Variants in PLPP4 observed in about 807,000 individuals in gnomAD.
PLPP4 encodes diacylglycerol pyrophosphate like 2.
In PLPP4, 20 loss-of-function variants were observed where a neutral mutation model predicts 32.2. That is an observed-to-expected ratio of 0.62 (90% CI 0.44 to 0.90). The LOEUF (loss-of-function observed/expected upper bound fraction) is 0.90. Among genes scored for constraint, PLPP4 ranks in the 40% least tolerant of loss-of-function variants. The pLI, the probability that PLPP4 is intolerant of heterozygous loss-of-function variation, is 0.00. For missense variants in PLPP4, 257 were observed against 353.1 expected (o/e 0.73, Z 2.18); for synonymous variants, 127 against 133.0 (o/e 0.95, Z 0.31).
intron 5 of PLPP4, among the ~76,000 whole-genome samples, chr10:120,527,689 G>A (rs571015887): frequency 6.6e-6 from 1 of 152,252 alleles, no homozygotes; most frequent in African/African-American, 2.4e-5. Flanking sequence ...TTTTTAGAGA[G>A]TTCTTGCTTT....
At chr10:120,553,772 A>G (rs1848020156) in intron 5 of PLPP4, among the ~76,000 whole-genome samples, 2 of 152,192 alleles carry the variant, frequency 1.3e-5, no homozygotes, top group Non-Finnish European at 2.9e-5. Flanking sequence ...ACTTTAAGCC[A>G]TGGCTGGAGC....
chr10:120,551,223 G>A (rs1001797929), intron 5 of PLPP4, among the ~76,000 whole-genome samples: 11 of 152,146 alleles, frequency 7.2e-5, no homozygotes, highest in Non-Finnish European at 1.6e-4. Flanking sequence ...AAAAAGATCA[G>A]CAATGCCAAA....
At chr10:120,533,751 AG>A (rs112377561) in intron 5 of PLPP4, among the ~76,000 whole-genome samples, 1 of 152,098 alleles carries the variant, frequency 6.6e-6, no homozygotes, top group Admixed American at 6.5e-5. Context: ...TGAGGGAAAA[AG>A]GGAGAGCAAA....
chr10:120,529,130 C>A (rs1846574784), intron 5 of PLPP4, among the ~76,000 whole-genome samples: 2 of 152,092 alleles, frequency 1.3e-5, no homozygotes, highest in Non-Finnish European at 2.9e-5. Flanking sequence ...CAGTTTTGCA[C>A]CCCCCAGGGG....
chr10:120,517,026 T>A (rs1564809662), intron 3 of PLPP4, among the ~76,000 whole-genome samples: 1 of 152,214 alleles, frequency 6.6e-6, no homozygotes, highest in Non-Finnish European at 1.5e-5. Context: ...TATCCATACA[T>A]TTTCCAGCTC....
intron 1 of PLPP4, among the ~76,000 whole-genome samples, chr10:120,466,474 C>A (rs1214261127): frequency 6.6e-6 from 1 of 152,044 alleles, no homozygotes; most frequent in East Asian, 1.9e-4. Context: ...ACGTATTCAA[C>A]AAAAAAAGTC....
At chr10:120,466,366 A>G (rs1027824341) in intron 1 of PLPP4, among the ~76,000 whole-genome samples, 13 of 152,216 alleles carry the variant, frequency 8.5e-5, no homozygotes, top group Non-Finnish European at 1.6e-4. Flanking sequence ...AAAGTGATAA[A>G]TATCCCATAT....
At chr10:120,584,126 T>G (rs1222741359) in intron 6 of PLPP4, among the ~76,000 whole-genome samples, 1 of 152,166 alleles carries the variant, frequency 6.6e-6, no homozygotes, top group Non-Finnish European at 1.5e-5. Flanking sequence ...CATCAGCACC[T>G]TCTCACATAC....
chr10:120,581,442 C>T (rs955729539), intron 6 of PLPP4: 4 of 324,322 alleles, frequency 1.2e-5, no homozygotes, highest in South Asian at 1.2e-4. Context: ...TTAGAGCCTG[C>T]GTTAGCACAT....
intron 1 of PLPP4, among the ~76,000 whole-genome samples, chr10:120,459,417 C>T (rs912666652): frequency 7.2e-5 from 11 of 152,132 alleles, no homozygotes; most frequent in African/African-American, 2.4e-4. Context: ...AGGCATGTAC[C>T]GACTTCTGGG....
intron 1 of PLPP4, 128 bp downstream of exon 1, chr10:120,457,489 C>A: frequency 1.4e-6 from 1 of 719,702 alleles, no homozygotes; most frequent in Non-Finnish European, 2.2e-6. Flanking sequence ...CCCTTCCCCG[C>A]CAAGTGCCCG....
chr10:120,585,597 T>C (rs1226654884), intron 6 of PLPP4, among the ~76,000 whole-genome samples: 1 of 152,200 alleles, frequency 6.6e-6, no homozygotes. Context: ...TAAATTATCA[T>C]CACAACTTAA....
intron 6 of PLPP4, among the ~76,000 whole-genome samples, chr10:120,577,097 A>G (rs780471326): frequency 1.3e-5 from 2 of 152,252 alleles, no homozygotes; most frequent in Non-Finnish European, 2.9e-5. Context: ...TTTACTACAC[A>G]CATGCAAAGT....
intron 1 of PLPP4, among the ~76,000 whole-genome samples, chr10:120,479,021 TC>T (rs1229429185): frequency 2.0e-5 from 3 of 152,268 alleles, no homozygotes; most frequent in Admixed American, 6.5e-5. Context: ...GGTCAGGAGA[TC>T]GAGACCATCC....
intron 1 of PLPP4, among the ~76,000 whole-genome samples, chr10:120,460,526 G>T (rs763199962): frequency 6.6e-6 from 1 of 152,162 alleles, no homozygotes; most frequent in African/African-American, 2.4e-5. Flanking sequence ...CTTACTGTGT[G>T]TCAGGCACCA....
At chr10:120,509,494 C>T (rs1050920571) in intron 2 of PLPP4, among the ~76,000 whole-genome samples, 3 of 152,084 alleles carry the variant, frequency 2.0e-5, no homozygotes, top group African/African-American at 7.2e-5. Flanking sequence ...CTGTGCAGTA[C>T]AATTAGTAAC....
intron 5 of PLPP4, among the ~76,000 whole-genome samples, chr10:120,530,001 C>T (rs556420338): frequency 1.2e-4 from 18 of 152,130 alleles, no homozygotes; most frequent in Non-Finnish European, 1.9e-4. Context: ...TTTTATTATA[C>T]AACATTTCAG....
chr10:120,500,622 A>G (rs1363240167), intron 1 of PLPP4, among the ~76,000 whole-genome samples: 3 of 131,392 alleles, frequency 2.3e-5, no homozygotes, highest in Non-Finnish European at 3.1e-5. Context: ...GCCAGTAGCT[A>G]TGAATAATTC....
chr10:120,469,670 A>T (rs1848433739), intron 1 of PLPP4, among the ~76,000 whole-genome samples: 1 of 152,242 alleles, frequency 6.6e-6, no homozygotes, highest in Admixed American at 6.5e-5. Context: ...CAATACAAAA[A>T]GTATAAGGCT....
Sources: allele counts gnomAD v4.1 joint callset (sites outside exome capture counted in the v4.1 genomes callset), GRCh38; gene constraint gnomAD v4.1.1; transcripts MANE v1.5; gene names NCBI Gene and HGNC (gene_info 2026-07-23, HGNC 2026-07-21).